Variants in MAMDC4 observed in about 807,000 individuals in gnomAD.
MAMDC4 encodes the protein apical endosomal glycoprotein.
Under a neutral mutation model 153.3 loss-of-function variants are expected in MAMDC4, and 168 were observed. That is an observed-to-expected ratio of 1.10 (90% CI 0.97 to 1.25). The LOEUF is 1.25. Ranked by LOEUF, MAMDC4 falls within the 50% of genes most tolerant of loss-of-function variation. MAMDC4 has a pLI of 0.00. For synonymous variants in MAMDC4, 744 were observed against 651.5 expected (o/e 1.14, Z -2.16); for missense variants, 1,701 against 1,542.8 (o/e 1.10, Z -1.72).
intron 25 of MAMDC4, 127 bp downstream of exon 25, chr9:136,859,444 G>T: frequency 1.2e-6 from 1 of 857,732 alleles, no homozygotes; most frequent in East Asian, 2.7e-5. Flanking sequence ...CAGGACAAGA[G>T]AGCTGCCAGG....
rs1293184063 is a variant in MAMDC4, at chr9:136,860,617, A to T, written c.*14A>T. The T allele has an allele frequency of 6.2e-7, 1 of 1,613,024 alleles. No homozygotes were observed. Among genetic ancestry groups the T allele is most frequent in the Non-Finnish European group, 8.5e-7 (1 of 1,179,806 alleles). On this transcript the variant is annotated 3_prime_UTR_variant, in exon 27 of 27. Coordinates refer to ENST00000317446, the MANE Select transcript of MAMDC4 (RefSeq NM_206920.3). ...AGTGATCCGTAGACCACCCCAGACA[A>T]GGCCCCGCTTCCTCACGTGACATCC...
rs562744177 is a variant in MAMDC4 at position 136,860,697 on chromosome 9, A to T, written c.*94A>T. ...GGACACCTGCCCCGCCCAGGCTGGG[A>T]CAGGCTGCAGGTCTCAGGATATGCT... On this transcript the variant is annotated 3_prime_UTR_variant, in exon 27 of 27. Coordinates refer to ENST00000317446, the MANE Select transcript of MAMDC4 (RefSeq NM_206920.3). 9.5e-4 allele frequency: 1,337 copies of T among 1,404,184 alleles called. 1 individual carries two copies. The highest frequency in any genetic ancestry group is 1.2e-3 in the Non-Finnish European group (1,228 of 997,450). 87.0% of individuals were successfully genotyped at this position (1,404,184 alleles called of 1,614,324 possible). A position where few individuals can be genotyped will look rare whatever the true frequency, so the allele number is the denominator to read the frequency against.
At chr9:136,855,929 C>A in intron 13 of MAMDC4, 81 bp downstream of exon 13, 1 of 1,532,884 alleles carries the variant, frequency 6.5e-7, no homozygotes, top group Non-Finnish European at 8.8e-7. Flanking sequence ...TGCCTCTGCA[C>A]TACAGAGGGT....
At chr9:136,858,639 C>A in intron 22 of MAMDC4, 80 bp from the exon 23 acceptor site, 2 of 1,596,296 alleles carry the variant, frequency 1.3e-6, no homozygotes, top group Non-Finnish European at 1.7e-6. Context: ...CCAGAGGAGG[C>A]CCTGCTCACC....
chr9:136,853,035 G>T, intron 1 of MAMDC4, 67 bp from the exon 2 acceptor site: 1 of 1,377,584 alleles, frequency 7.3e-7, no homozygotes. Flanking sequence ...AAACTGAATA[G>T]TCCTAGGCAG....
At chr9:136,852,664 GA>G (rs932101766) in intron 1 of MAMDC4, among the ~76,000 whole-genome samples, 1 of 152,228 alleles carries the variant, frequency 6.6e-6, no homozygotes, top group African/African-American at 2.4e-5. Flanking sequence ...AGCAAAGGAA[GA>G]GGCACGACTC....
At position 136,857,737 on chromosome 9, in the gene MAMDC4, G is replaced by A; in HGVS notation, c.2405G>A (p.Arg802Lys). Residue 802 changes from arginine to lysine, a missense_variant, in exon 19 of 27, where the codon AGG (arginine) becomes AAG (lysine). Arg to Lys is a conservative substitution (Grantham distance 26, BLOSUM62 2). Transcript: ENST00000317446. ...QTASLTSKEH[R>K]PLAQPACLTF... Reference sequence around the variant, plus strand: ...GCCTCCCTGACCTCCAAGGAGCACAGGCCCCTGGCCCAGCCTGCTTGTCTG... The same window carrying A: ...GCCTCCCTGACCTCCAAGGAGCACAAGCCCCTGGCCCAGCCTGCTTGTCTG... 6 of 1,612,680 alleles carry A rather than the reference G, an allele frequency of 3.7e-6. No individual in the cohort carries two copies. Among genetic ancestry groups the A allele is most frequent in the Non-Finnish European group, 5.1e-6 (6 of 1,179,882 alleles).
chr9:136,855,937 G>A (rs191177696), intron 13 of MAMDC4, 81 bp from the exon 14 acceptor site: 20 of 1,542,996 alleles, frequency 1.3e-5, no homozygotes, highest in African/African-American at 1.4e-5. Flanking sequence ...CACTACAGAG[G>A]GTCTCTGGAC....
At chr9:136,855,204 G>C (rs1480188844) in intron 10 of MAMDC4, 50 bp from the exon 11 acceptor site, 1 of 1,578,312 alleles carries the variant, frequency 6.3e-7, no homozygotes, top group Non-Finnish European at 8.6e-7. Flanking sequence ...ACAGGGACCA[G>C]ACCCCAGGGG....
intron 14 of MAMDC4, 22 bp downstream of exon 14, chr9:136,856,171 T>G (rs754837290): frequency 1.6e-5 from 26 of 1,611,662 alleles, no homozygotes; most frequent in Non-Finnish European, 2.2e-5. Flanking sequence ...CTCCGCAAGT[T>G]CCCTGGCCAG....
Position 136,854,636 on chromosome 9 carries a change from C to T in MAMDC4, c.894C>T (p.Pro298=), listed in dbSNP as rs776835081. ...RNHRAGGPER[P]SWPRRDHSRN... ...ACCGCGCTGGTGGTCCTGAGCGCCC[C>T]TCCTGGCCACGCCGTGACCACAGCC... Residue 298 remains proline, a synonymous_variant, in exon 8 of 27, where the codon CCC becomes CCT. Transcript: ENST00000317446. 1 of 1,609,106 alleles carries T rather than the reference C, an allele frequency of 6.2e-7. No individual in the cohort carries two copies. Among genetic ancestry groups the T allele is most frequent in the Non-Finnish European group, 8.5e-7 (1 of 1,178,570 alleles).
At position 136,858,055 on chromosome 9, in the gene MAMDC4, G is replaced by A; in HGVS notation, c.2541G>A (p.Trp847Ter). ...TCAGTGCCCACGGCGGGCTTGCCTG[G>A]CGCCTGGGCAGCATGGACGTGCAGG... ...LSLSAHGGLAWRLGSMDVQAE... is the reference protein window; with the variant it reads ...LSLSAHGGLA The change falls in exon 20 of 27, where the codon TGG (tryptophan) becomes TGA (stop). Residue 847 changes from tryptophan to a stop codon, truncating the protein, a stop_gained. Transcript: ENST00000317446. LOFTEE classifies it high-confidence loss of function. The A allele has an allele frequency of 6.5e-7, 1 of 1,528,948 alleles. No homozygotes were observed. The highest frequency in any genetic ancestry group is 8.8e-7 in the Non-Finnish European group (1 of 1,139,804). The allele number at this position is 1,528,948 out of a possible 1,614,324, so 94.7% of individuals were successfully genotyped here.
At chr9:136,855,711 C>A in intron 12 of MAMDC4, 21 bp from the exon 13 acceptor site, 1 of 1,573,874 alleles carries the variant, frequency 6.4e-7, no homozygotes, top group East Asian at 2.3e-5. Flanking sequence ...CTCTGCCATT[C>A]AGTGCCGGCT....
chr9:136,855,879 C>T (rs754466664), intron 13 of MAMDC4, 31 bp downstream of exon 13: 219 of 1,475,242 alleles, frequency 1.5e-4, no homozygotes, highest in Admixed American at 1.5e-4. Context: ...CTCAAGCCCC[C>T]GCCCGGGTGT....
intron 25 of MAMDC4, 88 bp downstream of exon 25, chr9:136,859,405 C>T (rs1564389330): frequency 1.7e-6 from 2 of 1,197,476 alleles, no homozygotes; most frequent in African/African-American, 1.5e-5. Flanking sequence ...GTGTGTGGTC[C>T]CAGGAGCTGC....
Position 136,853,876 on chromosome 9 carries a change from T to C in MAMDC4, c.554T>C (p.Val185Ala). The C allele has an allele frequency of 6.2e-7, 1 of 1,612,602 alleles. No individual in the cohort carries two copies. The highest frequency in any genetic ancestry group is 8.5e-7 in the Non-Finnish European group (1 of 1,179,844). The change falls in exon 5 of 27, where the codon GTG becomes GCG. Residue 185 changes from valine (V) to alanine (A), a missense_variant. Physicochemically the swap from Val to Ala is moderately conservative, Grantham distance 64 (BLOSUM62 0). Transcript: ENST00000317446. The stretch of plus-strand genomic sequence containing the variant: ...GGCCCTGGCTGGCAGGAGTTGGCAG[T>C]GACCACAGGCCGCATCCGGGGTGAC... The part of the protein sequence containing the change: ...PWGPGWQELA[V>A]TTGRIRGDFR...
At chr9:136,860,147 C>T (rs1326946916) in intron 26 of MAMDC4, 83 bp downstream of exon 26, 8 of 1,423,686 alleles carry the variant, frequency 5.6e-6, no homozygotes, top group Non-Finnish European at 6.6e-6. Flanking sequence ...GGACACAACC[C>T]CCCGGGGAGG....
In MAMDC4 at chr9:136,858,755, C is replaced by G. The variant is rs528939744; in HGVS notation, c.2858C>G (p.Pro953Arg). ...TTCTTTGAAACTGGCGTGCTGGGCC[C>G]CGGGGGCCGGGCCGCCTGGCTGCGC... ...FAFFETGVLG[P>R]GGRAAWLRSE... The change falls in exon 23 of 27, where the codon CCC becomes CGC. Residue 953 changes from proline to arginine, a missense_variant. Transcript: ENST00000317446. 50 of 1,611,270 alleles carry G rather than the reference C, an allele frequency of 3.1e-5. No individual in the cohort carries two copies. The African/African-American group carries it at 5.9e-4, about 19-fold the overall frequency.
At chr9:136,860,476 G>A (rs908173316) in intron 26 of MAMDC4, 86 bp from the exon 27 acceptor site, 92 of 1,415,142 alleles carry the variant, frequency 6.5e-5, no homozygotes, top group Non-Finnish European at 7.8e-5. Flanking sequence ...AGCGAAGATC[G>A]TGCCATTGCA....
Sources: allele counts gnomAD v4.1 joint callset (sites outside exome capture counted in the v4.1 genomes callset), GRCh38; gene constraint gnomAD v4.1.1; transcripts MANE v1.5; gene names NCBI Gene and HGNC (gene_info 2026-07-23, HGNC 2026-07-21).